Variants in CNGA1 observed in about 807,000 individuals in gnomAD.
CNGA1 encodes cyclic nucleotide gated channel subunit alpha 1, also known as cyclic nucleotide-gated channel alpha-1.
Under a neutral mutation model 69.7 loss-of-function variants are expected in CNGA1, and 53 were observed. That is an observed-to-expected ratio of 0.76 (90% confidence interval 0.61 to 0.96). The LOEUF (loss-of-function observed/expected upper bound fraction) is 0.96, where lower values mean the gene tolerates loss of function less well. Among genes scored for constraint, CNGA1 ranks in the 40% least tolerant of loss-of-function variants. The probability of loss-of-function intolerance (pLI) is 0.00; values close to 1 mark genes in which losing one functional copy is unlikely to be tolerated. For synonymous variants in CNGA1, 249 were observed against 283.5 expected (o/e 0.88, Z 1.22); for missense variants, 739 against 811.2 (o/e 0.91, Z 1.08).
chr4:47,943,062 G>T, intron 8 of CNGA1, 119 bp downstream of exon 8: 1 of 714,918 alleles, frequency 1.4e-6, no homozygotes, highest in African/African-American at 1.8e-5. Flanking sequence ...AAGACATTTA[G>T]TCTTTACACA....
rs552601124 is a variant in CNGA1 at position 48,003,741 on chromosome 4, T to C, written c.-123+7053A>G. Among the ~76,000 whole-genome samples the C allele has an allele frequency of 2.0e-5, 3 of 152,266 alleles. No homozygotes were observed. In the East Asian group the frequency reaches 5.8e-4, roughly 30 times the overall value. ...GACCAGAAGACAAGAGTGTGAACCTTCTGTTATGCCCAGACAGGGCCACCA... is the reference window on the plus strand; with the variant it reads ...GACCAGAAGACAAGAGTGTGAACCTCCTGTTATGCCCAGACAGGGCCACCA... On this transcript the variant is annotated intron_variant, in intron 2 of 10. Transcript: ENST00000514170.
chr4:47,993,480 G>A (rs540726470), intron 2 of CNGA1, among the ~76,000 whole-genome samples: 23 of 152,180 alleles, frequency 1.5e-4, no homozygotes, highest in African/African-American at 4.1e-4. Context: ...GTGTAAAGGC[G>A]TTCATAGTAG....
chr4:47,955,238 A>G (rs1740012892), intron 3 of CNGA1, among the ~76,000 whole-genome samples: 1 of 128,634 alleles, frequency 7.8e-6, no homozygotes, highest in Non-Finnish European at 1.5e-5. Context: ...GCTGGAGTGC[A>G]GTGGTGCGAT....
chr4:47,936,192 T>C lies in CNGA1; in HGVS notation c.*229A>G. ...ATACAGACACTGACAAGTTAATCAGTTTATATCTTTGCACATTATCAGTTG... is the reference window on the plus strand; with the variant it reads ...ATACAGACACTGACAAGTTAATCAGCTTATATCTTTGCACATTATCAGTTG... On this transcript the variant is annotated 3_prime_UTR_variant, in exon 11 of 11. Transcript: ENST00000514170. The C allele has an allele frequency of 1.7e-6, 1 of 584,390 alleles. No individual in the cohort carries two copies. The highest frequency in any genetic ancestry group is 1.9e-5 in the African/African-American group (1 of 53,674). The allele number at this position is 584,390 out of a possible 1,614,324, so 36.2% of individuals were successfully genotyped here.
In CNGA1 at chr4:47,997,529, G is replaced by A. The variant is rs576173201; in HGVS notation, c.-123+13265C>T. Reference sequence around the variant, plus strand: ...TACATGTCTGGTTAGGTCTGTTGATGGGTCAGGGGTACTCATATTAGTAAT... The same window carrying A: ...TACATGTCTGGTTAGGTCTGTTGATAGGTCAGGGGTACTCATATTAGTAAT... On this transcript the variant is annotated intron_variant, in intron 2 of 10. Transcript: ENST00000514170. 1.4e-4 allele frequency among the ~76,000 whole-genome samples: 22 copies of A among 152,174 alleles called. 1 individual carries two copies. Among genetic ancestry groups the A allele is most frequent in the South Asian group, 6.2e-4 (3 of 4,822 alleles).
At chr4:47,938,397 A>ATTTT (rs10647718) in intron 10 of CNGA1, among the ~76,000 whole-genome samples, 2 of 142,738 alleles carry the variant, frequency 1.4e-5, no homozygotes, top group Admixed American at 7.0e-5. Flanking sequence ...TACTAAGTGC[A>ATTTT]TTTTTTTTTT....
chr4:47,988,983 A>ATTT (rs1742116634), intron 2 of CNGA1, among the ~76,000 whole-genome samples: 5 of 151,000 alleles, frequency 3.3e-5, no homozygotes, highest in South Asian at 2.1e-4. Context: ...CTTAGTTTTA[A>ATTT]AAAAAAAAAG....
At chr4:48,015,572 G>T (rs1008515390) in intron 1 of CNGA1, among the ~76,000 whole-genome samples, 1 of 152,082 alleles carries the variant, frequency 6.6e-6, no homozygotes, top group African/African-American at 2.4e-5. Flanking sequence ...CCTGGTGAGG[G>T]TTTGAGCCCG....
intron 3 of CNGA1, among the ~76,000 whole-genome samples, chr4:47,959,580 A>G (rs1198395681): frequency 6.6e-6 from 1 of 152,218 alleles, no homozygotes; most frequent in Non-Finnish European, 1.5e-5. Flanking sequence ...AAAGTTTCTT[A>G]GAAAGGGCAC....
intron 2 of CNGA1, among the ~76,000 whole-genome samples, chr4:47,994,296 G>A (rs1455474697): frequency 6.6e-6 from 1 of 151,966 alleles, no homozygotes; most frequent in Non-Finnish European, 1.5e-5. Flanking sequence ...CCACTACTAT[G>A]GTGTTGCTGT....
intron 4 of CNGA1, among the ~76,000 whole-genome samples, 175 bp downstream of exon 4, chr4:47,952,408 T>TAAATAAAA (rs1373479410): frequency 6.9e-5 from 10 of 145,744 alleles, no homozygotes; most frequent in Admixed American, 2.1e-4. Context: ...AATAAATAAA[T>TAAATAAAA]AAAATCTATG....
Position 47,943,258 on chromosome 4 carries a change from G to GTGT in CNGA1, c.359_360insACA (p.Asn120delinsLysHis). ...TTTTCTTCTTTTTCTTCTCTGGGTC[G>GTGT]TTTTTATTTTCGTTTTTATCATCTG... On this transcript the variant is annotated protein_altering_variant, in exon 8 of 11. Transcript: ENST00000514170. The GTGT allele has an allele frequency of 6.4e-7, 1 of 1,565,368 alleles. No homozygotes were observed. Among genetic ancestry groups the GTGT allele is most frequent in the Non-Finnish European group, 8.7e-7 (1 of 1,155,248 alleles).
chr4:48,000,713 GT>G (rs779696460), intron 2 of CNGA1, among the ~76,000 whole-genome samples: 11 of 129,424 alleles, frequency 8.5e-5, no homozygotes, highest in Non-Finnish European at 1.6e-4. Context: ...GAGGGAGAAA[GT>G]AGGCACATTA....
At chr4:47,995,605 T>A (rs1742446707) in intron 2 of CNGA1, among the ~76,000 whole-genome samples, 1 of 150,700 alleles carries the variant, frequency 6.6e-6, no homozygotes, top group South Asian at 2.1e-4. Context: ...GGTGTCTCCC[T>A]GATTAGCTTA....
intron 4 of CNGA1, 137 bp from the exon 5 acceptor site, chr4:47,951,606 T>C: frequency 1.4e-6 from 1 of 690,540 alleles, no homozygotes; most frequent in South Asian, 1.5e-5. Context: ...CAATTTTTAG[T>C]TAGCATAAAG....
At chr4:47,976,342 T>TATATATATGTATATATATATATACAC (rs1741414737) in intron 3 of CNGA1, among the ~76,000 whole-genome samples, 1 of 19,354 alleles carries the variant, frequency 5.2e-5, no homozygotes, top group African/African-American at 1.2e-4. Flanking sequence ...TATATACACA[T>TATATATATGTATATATATATATACAC]ATATATATAT....
intron 6 of CNGA1, among the ~76,000 whole-genome samples, chr4:47,944,172 T>C (rs1739259589): frequency 6.6e-6 from 1 of 152,196 alleles, no homozygotes; most frequent in South Asian, 2.1e-4. Context: ...GAAGTAGTTC[T>C]AAAGCTAGGC....
At chr4:47,992,648 A>G (rs1052749608) in intron 2 of CNGA1, among the ~76,000 whole-genome samples, 2 of 135,930 alleles carry the variant, frequency 1.5e-5, no homozygotes, top group Non-Finnish European at 3.3e-5. Flanking sequence ...ACTGATTTGG[A>G]TGCCATTTAT....
intron 2 of CNGA1, among the ~76,000 whole-genome samples, chr4:47,993,299 T>C (rs956198365): frequency 1.3e-5 from 2 of 152,116 alleles, no homozygotes; most frequent in Non-Finnish European, 2.9e-5. Context: ...GAATCTTCTG[T>C]GAATCTGTCT....
Sources: allele counts gnomAD v4.1 joint callset (sites outside exome capture counted in the v4.1 genomes callset), GRCh38; gene constraint gnomAD v4.1.1; transcripts MANE v1.5; gene names NCBI Gene and HGNC (gene_info 2026-07-23, HGNC 2026-07-21).